The following PRKN variants were observed in gnomAD, a reference collection of about 807,000 sequenced individuals.
PRKN encodes parkin RBR E3 ubiquitin protein ligase.
PRKN carries 56 observed loss-of-function variants against 59.5 expected under a neutral mutation model. The observed-to-expected ratio is 0.94, with a 90% confidence interval of 0.76 to 1.18. The LOEUF is 1.18. Ranked by LOEUF, PRKN falls within the 50% of genes most tolerant of loss-of-function variation. The pLI, the probability that PRKN is intolerant of heterozygous loss-of-function variation, is 0.00. For synonymous variants in PRKN, 250 were observed against 222.1 expected (o/e 1.13, Z -1.12); for missense variants, 657 against 596.4 (o/e 1.10, Z -1.06).
intron 6 of PRKN, among the ~76,000 whole-genome samples, chr6:161,849,468 C>CT (rs1793336236): frequency 6.6e-6 from 1 of 152,002 alleles, no homozygotes. Flanking sequence ...ATAATAATTT[C>CT]TTCAACTTCA....
Position 162,262,651 on chromosome 6 carries a change from CACA to C in PRKN, c.283_285del (p.Cys95del), listed in dbSNP as rs1562623021. 1 of 1,613,802 alleles carries C rather than the reference CACA, an allele frequency of 6.2e-7. No homozygotes were observed. Among genetic ancestry groups the C allele is most frequent in the Non-Finnish European group, 8.5e-7 (1 of 1,179,996 alleles). ...CGAGTCAAGCTCTGGGGCTCCCGCT[CACA>C]GCCTCCCGCCGCGTTTCTGGGGTCG... On this transcript the variant is annotated inframe_deletion, in exon 3 of 12. Coordinates refer to ENST00000366898, the MANE Select transcript of PRKN (RefSeq NM_004562.3).
intron 5 of PRKN, among the ~76,000 whole-genome samples, chr6:162,018,317 C>T (rs1369694892): frequency 2.0e-5 from 3 of 152,170 alleles, no homozygotes; most frequent in East Asian, 1.9e-4. Context: ...TGAGCCACCG[C>T]GCCCGGCCCA....
chr6:162,257,308 T>C (rs973898446), intron 3 of PRKN, among the ~76,000 whole-genome samples: 6 of 152,148 alleles, frequency 3.9e-5, no homozygotes, highest in Non-Finnish European at 7.3e-5. Flanking sequence ...TTTTCTTTTT[T>C]TTTTCTCAAA....
intron 5 of PRKN, among the ~76,000 whole-genome samples, chr6:162,028,224 T>A (rs1359357391): frequency 6.6e-6 from 1 of 152,182 alleles, no homozygotes; most frequent in East Asian, 1.9e-4. Flanking sequence ...TTTAACCTGA[T>A]AGGTAGAAGC....
chr6:162,621,233 G>A (rs1286507644), intron 1 of PRKN, among the ~76,000 whole-genome samples: 2 of 152,100 alleles, frequency 1.3e-5, no homozygotes, highest in Non-Finnish European at 2.9e-5. Context: ...CTCTGGGTTT[G>A]GCCACATAAT....
At chr6:161,727,573 C>T (rs1787495021) in intron 7 of PRKN, among the ~76,000 whole-genome samples, 2 of 152,180 alleles carry the variant, frequency 1.3e-5, no homozygotes, top group Non-Finnish European at 2.9e-5. Flanking sequence ...TTCCTGGATT[C>T]GCTCAATGTA....
chr6:161,753,303 G>A (rs931449564), intron 7 of PRKN, among the ~76,000 whole-genome samples: 1 of 152,146 alleles, frequency 6.6e-6, no homozygotes, highest in South Asian at 2.1e-4. Context: ...AACACAGAGA[G>A]GGCATGGAGA....
intron 1 of PRKN, among the ~76,000 whole-genome samples, chr6:162,671,896 G>A (rs1029013621): frequency 1.3e-5 from 2 of 152,100 alleles, no homozygotes; most frequent in Admixed American, 6.6e-5. Context: ...GAGGTAGGTT[G>A]GATGAGGGAC....
At chr6:162,294,868 T>A (rs1781596331) in intron 2 of PRKN, among the ~76,000 whole-genome samples, 1 of 152,192 alleles carries the variant, frequency 6.6e-6, no homozygotes, top group African/African-American at 2.4e-5. Flanking sequence ...ATCTAGAGAC[T>A]ACTGAAATAC....
chr6:162,574,213 AAAG>A (rs1323498344), intron 1 of PRKN, among the ~76,000 whole-genome samples: 2 of 152,086 alleles, frequency 1.3e-5, no homozygotes, highest in African/African-American at 4.8e-5. Flanking sequence ...CCAAATCTTC[AAAG>A]AAGGCACATA....
intron 2 of PRKN, among the ~76,000 whole-genome samples, chr6:162,316,280 T>TAA (rs1268478684): frequency 1.3e-5 from 2 of 151,570 alleles, no homozygotes; most frequent in Non-Finnish European, 2.9e-5. Context: ...CCGGATGTGA[T>TAA]AGAGTCCCAG....
Position 161,906,914 on chromosome 6 carries a change from G to A in PRKN, c.734+66388C>T, listed in dbSNP as rs114683280. ...GACTCAGCCAGTCTAGTCCATCCACGCTCTTCTGCCTGCTTTTATTCTGGC... is the reference window on the plus strand; with the variant it reads ...GACTCAGCCAGTCTAGTCCATCCACACTCTTCTGCCTGCTTTTATTCTGGC... On this transcript the variant is annotated intron_variant, in intron 6 of 11. Coordinates refer to ENST00000366898, the MANE Select transcript of PRKN (RefSeq NM_004562.3). Among the ~76,000 whole-genome samples the A allele has an allele frequency of 4.3e-3, 659 of 151,984 alleles. 5 individuals carry two copies. Among genetic ancestry groups the A allele is most frequent in the African/African-American group, 0.015 (628 of 41,424 alleles).
chr6:161,933,671 T>C (rs1399517471), intron 6 of PRKN, among the ~76,000 whole-genome samples: 2 of 152,030 alleles, frequency 1.3e-5, no homozygotes, highest in Non-Finnish European at 2.9e-5. Context: ...ACAGTTCCCC[T>C]GCAGACATTT....
At chr6:162,279,420 GGAAAGAAAGAAAAA>G (rs1193258477) in intron 2 of PRKN, among the ~76,000 whole-genome samples, 1 of 144,968 alleles carries the variant, frequency 6.9e-6, no homozygotes, top group Admixed American at 7.0e-5. Context: ...AAAGAAAGAA[GGAAAGAAAGAAAAA>G]GAAAGAAAGA....
intron 4 of PRKN, among the ~76,000 whole-genome samples, chr6:162,155,757 T>C (rs961617364): frequency 2.6e-5 from 4 of 150,984 alleles, no homozygotes; most frequent in African/African-American, 9.8e-5. Context: ...AGCCACATTC[T>C]GTAAATCTTG....
intron 6 of PRKN, among the ~76,000 whole-genome samples, chr6:161,962,540 C>CTTTT (rs567987319): frequency 1.5e-5 from 2 of 136,166 alleles, no homozygotes; most frequent in Non-Finnish European, 3.2e-5. Context: ...AATGTAGCAC[C>CTTTT]TTTTTTTTTT....
At chr6:161,528,954 T>C (rs1779106278) in intron 9 of PRKN, among the ~76,000 whole-genome samples, 1 of 152,196 alleles carries the variant, frequency 6.6e-6, no homozygotes, top group Non-Finnish European at 1.5e-5. Flanking sequence ...AAAGTTTGCC[T>C]GACTCATGAT....
In PRKN at chr6:161,520,078, G is replaced by A. The variant is rs146538824; in HGVS notation, c.1083+28776C>T. ...CACCAGTAGAGATTGTCTGTGGTTT[G>A]CCTGTTCTTGCTGTAGGCAGGTGCA... On this transcript the variant is annotated intron_variant, in intron 9 of 11. Coordinates refer to ENST00000366898, the MANE Select transcript of PRKN (RefSeq NM_004562.3). Among the ~76,000 whole-genome samples the A allele has an allele frequency of 2.0e-4, 31 of 152,268 alleles. 1 individual carries two copies. The highest frequency in any genetic ancestry group is 7.2e-4 in the African/African-American group (30 of 41,556).
At chr6:161,867,319 GACA>G (rs754449404) in intron 6 of PRKN, among the ~76,000 whole-genome samples, 2 of 152,140 alleles carry the variant, frequency 1.3e-5, no homozygotes, top group Admixed American at 6.6e-5. Context: ...ATGCTGTTGT[GACA>G]ACATTTTATT....
Sources: gnomAD v4.1 joint callset for allele counts (sites outside exome capture counted in the v4.1 genomes callset) on GRCh38, gnomAD v4.1.1 for gene constraint, MANE v1.5 for transcripts, NCBI Gene and HGNC (gene_info 2026-07-23, HGNC 2026-07-21) for gene names.